The following MCPH1 variants were observed in gnomAD, a reference collection of about 807,000 sequenced individuals.
The protein encoded by MCPH1 is microcephalin 1, also known as microcephalin.
MCPH1 carries 104 observed loss-of-function variants against 84.5 expected under a neutral mutation model. The ratio of observed to expected loss-of-function variants is 1.23; its 90% CI spans 1.05 to 1.45. The LOEUF (loss-of-function observed/expected upper bound fraction) is 1.45. Among genes scored for constraint, MCPH1 ranks in the 40% most tolerant of loss-of-function variants. MCPH1 has a pLI of 0.00. For missense variants in MCPH1, 1,498 were observed against 1,005.7 expected, an observed-to-expected ratio of 1.49 and a Z score of -6.62; for synonymous variants, 514 against 366.8, an observed-to-expected ratio of 1.40 and a Z score of -4.58.
In MCPH1 at chr8:6,445,207, T is replaced by C. The variant is rs565739739; in HGVS notation, c.1485T>C (p.Thr495=). 3.3e-5 allele frequency: 53 copies of C among 1,614,124 alleles called. No individual in the cohort carries two copies. The highest frequency in any genetic ancestry group is 1.6e-4 in the Middle Eastern group (1 of 6,084). The change falls in exon 8 of 14, where the codon ACT becomes ACC. Residue 495 remains threonine, a synonymous_variant. Transcript: ENST00000344683. ...CTGGAAATGGTGAAGGCCGTGCAAC[T>C]TCGAGTTGCGTGACTTCTGCCCCTG... ...RKTGNGEGRA[T]SSCVTSAPEE...
At chr8:6,434,895 G>A (rs571791557) in intron 4 of MCPH1, among the ~76,000 whole-genome samples, 7 of 152,156 alleles carry the variant, frequency 4.6e-5, no homozygotes, top group Admixed American at 2.0e-4. Flanking sequence ...AGGTAAAATC[G>A]ATGTGAAGTT....
At position 6,569,491 on chromosome 8, in the gene MCPH1, G is replaced by A. The variant is rs187493173; in HGVS notation, c.2215-51963G>A. 1.8e-3 allele frequency among the ~76,000 whole-genome samples: 268 copies of A among 152,254 alleles called. 2 individuals carry two copies. The highest frequency in any genetic ancestry group is 0.017 in the South Asian group (80 of 4,820). On this transcript the variant is annotated intron_variant, in intron 12 of 13. Transcript: ENST00000344683. ...CGAGGAAGGACAGTTCCAGCCATGG[G>A]ATTTCAAAAAAGTACCAAAGGAAAG...
At chr8:6,617,566 G>A (rs1374037633) in intron 12 of MCPH1, among the ~76,000 whole-genome samples, 4 of 151,912 alleles carry the variant, frequency 2.6e-5, no homozygotes, top group African/African-American at 7.3e-5. Context: ...CCCAACTTAC[G>A]TCTGTCCCCT....
At chr8:6,557,845 C>G (rs1031500872) in intron 12 of MCPH1, among the ~76,000 whole-genome samples, 1 of 152,072 alleles carries the variant, frequency 6.6e-6, no homozygotes, top group African/African-American at 2.4e-5. Context: ...TGTATGCATC[C>G]TCTAGATCTC....
At chr8:6,526,165 A>T (rs1008763818) in intron 12 of MCPH1, among the ~76,000 whole-genome samples, 1 of 151,338 alleles carries the variant, frequency 6.6e-6, no homozygotes, top group African/African-American at 2.4e-5. Context: ...CATGCCTGTA[A>T]TCCCAGCACT....
intron 2 of MCPH1, among the ~76,000 whole-genome samples, chr8:6,410,209 C>T (rs191581037): frequency 9.9e-5 from 15 of 151,812 alleles, no homozygotes; most frequent in Admixed American, 5.9e-4. Flanking sequence ...CTCCTGATCT[C>T]GTGATCCGCC....
chr8:6,628,321 A>G (rs1230227238), intron 13 of MCPH1, among the ~76,000 whole-genome samples: 2 of 151,854 alleles, frequency 1.3e-5, no homozygotes. Flanking sequence ...ATACAGAAAA[A>G]TTAGCCGGTC....
rs567085645 is a variant in MCPH1 at position 6,499,186 on chromosome 8, C to G, written c.2137-666C>G. On this transcript the variant is annotated intron_variant, in intron 11 of 13. Transcript: ENST00000344683. ...GAGACAGATTTTCAGGGAGTTTGGTCCTGGAGGAGAGACGGCTGCAGAACC... is the reference window on the plus strand; with the variant it reads ...GAGACAGATTTTCAGGGAGTTTGGTGCTGGAGGAGAGACGGCTGCAGAACC... 3.4e-4 allele frequency among the ~76,000 whole-genome samples: 52 copies of G among 152,054 alleles called. 2 individuals carry two copies. In the South Asian group the frequency reaches 0.011, roughly 32 times the overall value.
At position 6,602,211 on chromosome 8, in the gene MCPH1, G is replaced by A. The variant is rs142261453; in HGVS notation, c.2215-19243G>A. Among the ~76,000 whole-genome samples the A allele has an allele frequency of 7.9e-3, 1,206 of 152,354 alleles. 5 individuals carry two copies. The highest frequency in any genetic ancestry group is 0.017 in the Middle Eastern group (5 of 294). On this transcript the variant is annotated intron_variant, in intron 12 of 13. Coordinates refer to ENST00000344683, the MANE Select transcript of MCPH1 (RefSeq NM_024596.5). ...GGAAGGGTGCTCGCTAGCGAGGAGG[G>A]AGGCAACAAGGGGCCAGCCCGTGGG...
chr8:6,408,860 C>T (rs1406046229), intron 1 of MCPH1, among the ~76,000 whole-genome samples: 1 of 151,456 alleles, frequency 6.6e-6, no homozygotes, highest in Non-Finnish European at 1.5e-5. Flanking sequence ...CCACACCTGG[C>T]CAGTAGAGTA....
At chr8:6,406,839 TCCCCCGC>T in intron 1 of MCPH1, 150 bp downstream of exon 1, 1 of 37,994 alleles carries the variant, frequency 2.6e-5, no homozygotes, top group Non-Finnish European at 5.6e-5. Flanking sequence ...GCCTCCTTCC[TCCCCCGC>T]TGCCTGTCCC....
At chr8:6,446,341 A>G (rs532241298) in intron 8 of MCPH1, 26 of 984,944 alleles carry the variant, frequency 2.6e-5, no homozygotes, top group South Asian at 4.7e-5. Flanking sequence ...GTGAGAACGC[A>G]TTCTCTCTGC....
At chr8:6,571,971 G>A (rs1417736177) in intron 12 of MCPH1, among the ~76,000 whole-genome samples, 3 of 152,128 alleles carry the variant, frequency 2.0e-5, no homozygotes, top group Admixed American at 1.3e-4. Context: ...AATCCAGAAT[G>A]TATCCCTCCA....
chr8:6,563,349 G>C (rs571109371), intron 12 of MCPH1: 1 of 155,774 alleles, frequency 6.4e-6, no homozygotes, highest in South Asian at 2.0e-4. Flanking sequence ...TTATCTTCCT[G>C]TAGGGGGTCA....
At chr8:6,460,803 CTCTTCCATGGGTTTCT>C (rs1806197316) in intron 9 of MCPH1, among the ~76,000 whole-genome samples, 1 of 152,098 alleles carries the variant, frequency 6.6e-6, no homozygotes, top group Non-Finnish European at 1.5e-5. Flanking sequence ...GGTTCACCTC[CTCTTCCATGGGTTTCT>C]TCTTCCATGA....
intron 9 of MCPH1, among the ~76,000 whole-genome samples, chr8:6,457,515 G>A (rs117562667): frequency 6.6e-6 from 1 of 151,784 alleles, no homozygotes; most frequent in Non-Finnish European, 1.5e-5. Flanking sequence ...TGAGGTGGGA[G>A]AATCACCTGA....
At chr8:6,553,893 C>T (rs1448141350) in intron 12 of MCPH1, among the ~76,000 whole-genome samples, 2 of 151,992 alleles carry the variant, frequency 1.3e-5, no homozygotes, top group African/African-American at 4.8e-5. Flanking sequence ...CGTATTTTCG[C>T]CTTTTGCTGT....
chr8:6,642,547 G>T (rs552275112), intron 13 of MCPH1: 2 of 249,336 alleles, frequency 8.0e-6, no homozygotes, highest in African/African-American at 4.4e-5. Context: ...GGGTAGATAG[G>T]ATAGCACGGC....
intron 11 of MCPH1, among the ~76,000 whole-genome samples, chr8:6,487,341 A>G (rs889948947): frequency 1.1e-4 from 17 of 152,212 alleles, no homozygotes; most frequent in African/African-American, 3.9e-4. Flanking sequence ...ATCAGTGGTG[A>G]GCATAGAATC....
Sources: gnomAD v4.1 joint callset for allele counts (sites outside exome capture counted in the v4.1 genomes callset) on GRCh38, gnomAD v4.1.1 for gene constraint, MANE v1.5 for transcripts, NCBI Gene and HGNC (gene_info 2026-07-23, HGNC 2026-07-21) for gene names.